RBM41: variants seen among roughly 807,000 people sequenced by gnomAD.
RBM41 encodes the protein RNA-binding protein 41.
In RBM41, 14 loss-of-function variants were observed where a neutral mutation model predicts 30.8. The ratio of observed to expected loss-of-function variants is 0.45; its 90% CI spans 0.30 to 0.71. RBM41 has a LOEUF of 0.71. RBM41 is among the 30% of genes least tolerant of loss of function. The pLI, the probability that RBM41 is intolerant of heterozygous loss-of-function variation, is 0.08. For missense variants in RBM41, 276 were observed against 326.3 expected (o/e 0.85, Z 1.19); for synonymous variants, 120 against 110.1 (o/e 1.09, Z -0.56).
chrX:107,112,107 G>A (rs757679930), intron 5 of RBM41, among the ~76,000 whole-genome samples: 20 of 111,638 alleles, frequency 1.8e-4, no homozygotes, highest in Non-Finnish European at 3.8e-4. Flanking sequence ...ACAAGCTACA[G>A]ACTGGGAAAA....
Position 107,088,527 on chromosome X carries a change from G to A in RBM41, c.908C>T (p.Pro303Leu). The A allele has an allele frequency of 8.3e-7, 1 of 1,211,227 alleles. No homozygotes were observed. Reference protein sequence around the residue: ...KKLTQPIEFVPEDEIQRNRLS... With the variant: ...KKLTQPIEFVLEDEIQRNRLS... ...ACGATTTCTCTGGATTTCATCTTCT[G>A]GGACAAATTCTATTGGCTGCGTCAG... Residue 303 changes from proline (P) to leucine (L), a missense_variant, in exon 6 of 8, where the codon CCA becomes CTA. Coordinates refer to ENST00000685964, the MANE Select transcript of RBM41 (RefSeq NM_001324242.2).
intron 3 of RBM41, 37 bp from the exon 4 acceptor site, chrX:107,115,593 G>C (rs1924824763): frequency 1.8e-6 from 2 of 1,107,520 alleles, no homozygotes; most frequent in Non-Finnish European, 2.5e-6. Flanking sequence ...GTATCATAGA[G>C]GGCACAACCT....
chrX:107,106,322 C>T (rs1424841630), intron 5 of RBM41, among the ~76,000 whole-genome samples: 2 of 111,711 alleles, frequency 1.8e-5, no homozygotes, highest in African/African-American at 3.3e-5. Context: ...CAATGAGATA[C>T]CATCTCACAC....
At chrX:107,116,591 G>T (rs1924893330) in intron 2 of RBM41, 59 bp downstream of exon 2, 1 of 1,183,066 alleles carries the variant, frequency 8.5e-7, no homozygotes, top group Non-Finnish European at 1.1e-6. Flanking sequence ...CTTTAAGAGA[G>T]ATCTGTCACC....
chrX:107,073,028 A>T (rs1345790759), intron 6 of RBM41, among the ~76,000 whole-genome samples: 1 of 111,849 alleles, frequency 8.9e-6, no homozygotes, highest in Admixed American at 9.5e-5. Context: ...AAGACCGGAA[A>T]CTAAAAAACT....
chrX:107,070,979 G>A (rs770038353), intron 6 of RBM41, among the ~76,000 whole-genome samples: 1 of 108,137 alleles, frequency 9.2e-6, no homozygotes, highest in South Asian at 4.2e-4. Flanking sequence ...GAGCTCAGGA[G>A]TTTGAGGCTG....
downstream of RBM41, among the ~76,000 whole-genome samples, chrX:107,057,976 TA>T (rs1173412558): frequency 8.9e-6 from 1 of 111,734 alleles, no homozygotes; most frequent in Non-Finnish European, 1.9e-5. Context: ...TCAACATCAC[TA>T]ATCATCAGGA....
intron 6 of RBM41, among the ~76,000 whole-genome samples, chrX:107,073,024 G>A (rs1026312852): frequency 9.0e-6 from 1 of 111,121 alleles, no homozygotes; most frequent in African/African-American, 3.3e-5. Flanking sequence ...ACGTAAGACC[G>A]GAAACTAAAA....
intron 6 of RBM41, among the ~76,000 whole-genome samples, chrX:107,083,952 T>C (rs773008592): frequency 2.8e-5 from 3 of 108,580 alleles, no homozygotes; most frequent in South Asian, 4.0e-4. Flanking sequence ...ATAATTTCTT[T>C]TGTTGAAAAC....
At chrX:107,055,314 C>T in the RBM41 span, among the ~76,000 whole-genome samples, 1 of 111,603 alleles carries the variant, frequency 9.0e-6, no homozygotes, top group African/African-American at 3.3e-5. Context: ...CGCTAGAGTA[C>T]AAGTTTTATT....
At chrX:107,060,232 T>C (rs1163762887), downstream of RBM41, among the ~76,000 whole-genome samples, 1 of 109,855 alleles carries the variant, frequency 9.1e-6, no homozygotes, top group East Asian at 2.9e-4. Flanking sequence ...ACATCTTCCT[T>C]ACAGAATTTC....
Position 107,118,759 on chromosome X carries a change from T to C in RBM41, c.8+7A>G. Reference sequence around the variant, plus strand: ...CCTTGCCGCCTGCTCTTCAGACAAGTCCTTACCTCTTCATGTTTCCACAGG... The same window carrying C: ...CCTTGCCGCCTGCTCTTCAGACAAGCCCTTACCTCTTCATGTTTCCACAGG... On this transcript the variant is annotated splice_region_variant and intron_variant, in intron 1 of 7. Coordinates refer to ENST00000685964, the MANE Select transcript of RBM41 (RefSeq NM_001324242.2). The C allele has an allele frequency of 2.5e-6, 3 of 1,211,760 alleles. No individual in the cohort carries two copies. Among genetic ancestry groups the C allele is most frequent in the African/African-American group, 3.5e-5 (2 of 57,790 alleles).
At chrX:107,097,430 T>C (rs1383625124) in intron 5 of RBM41, among the ~76,000 whole-genome samples, 1 of 111,437 alleles carries the variant, frequency 9.0e-6, no homozygotes, top group Admixed American at 9.5e-5. Context: ...GGGACGTGAC[T>C]GGATCATGGG....
At position 107,063,222 on chromosome X, in the gene RBM41, T is replaced by C. The variant is rs1475728805; in HGVS notation, c.*4305A>G. Among the ~76,000 whole-genome samples the C allele has an allele frequency of 1.8e-5, 2 of 110,875 alleles. No homozygotes were observed. Among genetic ancestry groups the C allele is most frequent in the Admixed American group, 9.7e-5 (1 of 10,310 alleles). ...CAGCCCTTCCCATTCCCCCCAACTC[T>C]GTGCTAGCCCTAAGCAACCACTAAT... On this transcript the variant is annotated 3_prime_UTR_variant, in exon 8 of 8. Transcript: ENST00000685964.
intron 5 of RBM41, among the ~76,000 whole-genome samples, chrX:107,094,528 A>T (rs1437818677): frequency 8.9e-6 from 1 of 112,516 alleles, no homozygotes; most frequent in African/African-American, 3.2e-5. Flanking sequence ...AGAAGGGAGC[A>T]TCTTCAACCT....
chrX:107,079,838 T>C (rs751390401), intron 6 of RBM41, among the ~76,000 whole-genome samples: 1 of 112,040 alleles, frequency 8.9e-6, no homozygotes, highest in Non-Finnish European at 1.9e-5. Flanking sequence ...TCTATAGTTT[T>C]CCCTCTTCCA....
downstream of RBM41, among the ~76,000 whole-genome samples, chrX:107,061,692 C>A (rs1362453121): frequency 9.0e-6 from 1 of 111,122 alleles, no homozygotes; most frequent in Non-Finnish European, 1.9e-5. Flanking sequence ...GATCCTCCTG[C>A]CTTGGCCTCC....
chrX:107,060,630 AT>A (rs780704799), downstream of RBM41, among the ~76,000 whole-genome samples: 1,007 of 109,151 alleles, frequency 9.2e-3, 10 homozygotes, highest in African/African-American at 0.032. Flanking sequence ...CCCTGCCTCC[AT>A]TTTTTTTTAT....
Position 107,064,883 on chromosome X carries a change from CTT to C in RBM41, c.*2642_*2643del. The C allele has an allele frequency of 9.0e-6, 1 of 111,459 alleles. No homozygotes were observed. Among genetic ancestry groups the C allele is most frequent in the East Asian group, 2.8e-4 (1 of 3,569 alleles). 9.2% of individuals were successfully genotyped at this position (111,459 alleles called of 1,213,427 possible). A position where few individuals can be genotyped will look rare whatever the true frequency, so the allele number is the denominator to read the frequency against. Reference sequence around the variant, plus strand: ...AAAAGGGGTATTGAATATTCCAACTCTTTTTATGGACTTATCTGTTTCTCCTT... The same window carrying C: ...AAAAGGGGTATTGAATATTCCAACTCTTTATGGACTTATCTGTTTCTCCTT... On this transcript the variant is annotated 3_prime_UTR_variant, in exon 8 of 8. Coordinates refer to ENST00000685964, the MANE Select transcript of RBM41 (RefSeq NM_001324242.2).
Sources: allele counts gnomAD v4.1 joint callset (sites outside exome capture counted in the v4.1 genomes callset), GRCh38; gene constraint gnomAD v4.1.1; transcripts MANE v1.5; gene names NCBI Gene and HGNC (gene_info 2026-07-23, HGNC 2026-07-21).